LARP4B: variants seen among roughly 807,000 people sequenced by gnomAD.
LARP4B encodes la-related protein 4B.
A neutral mutation model predicts 89.8 loss-of-function variants in LARP4B; 12 were observed. The observed-to-expected ratio is 0.13, with a 90% CI of 0.09 to 0.22. LARP4B has a LOEUF of 0.22. Ranked by LOEUF, LARP4B falls within the 10% of genes least tolerant of loss-of-function variation. The probability of loss-of-function intolerance (pLI) is 1.00; values close to 1 mark genes in which losing one functional copy is unlikely to be tolerated. For missense variants in LARP4B, 757 were observed against 947.7 expected (o/e 0.80, Z 2.64); for synonymous variants, 367 against 363.3 (o/e 1.01, Z -0.12).
At chr10:828,616 T>C (rs1400213933) in intron 11 of LARP4B, among the ~76,000 whole-genome samples, 1 of 152,194 alleles carries the variant, frequency 6.6e-6, no homozygotes, top group Non-Finnish European at 1.5e-5. Context: ...TTCTCAAAGT[T>C]ACTAACTCAA....
chr10:958,354 A>G, the LARP4B span, among the ~76,000 whole-genome samples: 1 of 152,166 alleles, frequency 6.6e-6, no homozygotes, highest in Non-Finnish European at 1.5e-5. Context: ...ACCCCGTGAA[A>G]GCACCTTGTT....
the LARP4B span, among the ~76,000 whole-genome samples, chr10:940,370 T>C: frequency 6.6e-6 from 1 of 152,184 alleles, no homozygotes; most frequent in African/African-American, 2.4e-5. Context: ...GCCAGGCTGG[T>C]CTCAAACTCC....
intron 13 of LARP4B, among the ~76,000 whole-genome samples, chr10:823,312 T>C (rs1832451907): frequency 6.6e-6 from 1 of 152,152 alleles, no homozygotes; most frequent in South Asian, 2.1e-4. Flanking sequence ...ACAGTTGTCC[T>C]CCCTTGGTGG....
At chr10:948,537 G>A in the LARP4B span, among the ~76,000 whole-genome samples, 11 of 152,328 alleles carry the variant, frequency 7.2e-5, no homozygotes, top group East Asian at 1.3e-3. Context: ...GTGAGCCCCC[G>A]CGCCCGGCCT....
At position 834,257 on chromosome 10, in the gene LARP4B, A is replaced by G. The variant is rs547066986; in HGVS notation, c.750+2146T>C. Among the ~76,000 whole-genome samples, 3 of 152,322 alleles carry G rather than the reference A, an allele frequency of 2.0e-5. No individual in the cohort carries two copies. In the East Asian group the frequency reaches 5.8e-4, roughly 29 times the overall value. ...GTAAATGCTTACTGGTTAAAAGATA[A>G]AACACATCAACGCAAAGTCATACTT... On this transcript the variant is annotated intron_variant, in intron 8 of 17. Coordinates refer to ENST00000316157, the MANE Select transcript of LARP4B (RefSeq NM_015155.3).
chr10:823,675 T>C (rs1832471662), intron 13 of LARP4B, among the ~76,000 whole-genome samples: 1 of 151,810 alleles, frequency 6.6e-6, no homozygotes, highest in Admixed American at 6.6e-5. Context: ...ATGGCCTTGA[T>C]GAGTAGGGCT....
intron 11 of LARP4B, among the ~76,000 whole-genome samples, chr10:826,720 T>C (rs187649310): frequency 1.3e-5 from 2 of 152,308 alleles, no homozygotes; most frequent in Admixed American, 1.3e-4. Context: ...ACAGGGCACT[T>C]AGTTCCTGAG....
chr10:859,987 G>C (rs764203372), intron 5 of LARP4B, among the ~76,000 whole-genome samples: 1 of 151,792 alleles, frequency 6.6e-6, no homozygotes, highest in Non-Finnish European at 1.5e-5. Flanking sequence ...CCCACAGAAC[G>C]TACAACACCA....
At chr10:893,776 G>T (rs939590813) in intron 1 of LARP4B, among the ~76,000 whole-genome samples, 2 of 152,200 alleles carry the variant, frequency 1.3e-5, no homozygotes, top group African/African-American at 4.8e-5. Flanking sequence ...CAAACTAAGG[G>T]AGGGATTCCC....
At chr10:889,721 G>A (rs551511136) in intron 1 of LARP4B, among the ~76,000 whole-genome samples, 6 of 152,228 alleles carry the variant, frequency 3.9e-5, no homozygotes, top group Admixed American at 2.6e-4. Context: ...AGGCTGAGGC[G>A]GGCGGATCAC....
chr10:960,630 C>A, the LARP4B span, among the ~76,000 whole-genome samples: 1 of 143,522 alleles, frequency 7.0e-6, no homozygotes, highest in African/African-American at 2.6e-5. Context: ...ATCACTTGAA[C>A]CTGGGAGGTG....
chr10:984,749 C>A, the LARP4B span, among the ~76,000 whole-genome samples: 1 of 152,166 alleles, frequency 6.6e-6, no homozygotes, highest in East Asian at 1.9e-4. Flanking sequence ...ATGGCGAAAT[C>A]TCCCCTCTAC....
At chr10:882,352 CATT>C (rs1249470449) in intron 3 of LARP4B, among the ~76,000 whole-genome samples, 8 of 151,258 alleles carry the variant, frequency 5.3e-5, no homozygotes, top group Non-Finnish European at 1.0e-4. Flanking sequence ...TCATGTCACT[CATT>C]ATAATATATT....
chr10:859,814 T>C (rs1015675095), intron 5 of LARP4B, among the ~76,000 whole-genome samples: 1 of 150,820 alleles, frequency 6.6e-6, no homozygotes, highest in African/African-American at 2.4e-5. Context: ...CCTATGACAT[T>C]CTGGAAAAGG....
At chr10:883,492 A>G (rs1434055631) in intron 3 of LARP4B, among the ~76,000 whole-genome samples, 1 of 152,196 alleles carries the variant, frequency 6.6e-6, no homozygotes, top group Non-Finnish European at 1.5e-5. Context: ...CCTGGGCAAC[A>G]AGAGGGAAAC....
In LARP4B at chr10:844,999, T is replaced by C; in HGVS notation, c.487A>G (p.Thr163Ala). 1 of 1,611,556 alleles carries C rather than the reference T, an allele frequency of 6.2e-7. No individual in the cohort carries two copies. Among genetic ancestry groups the C allele is most frequent in the Admixed American group, 1.7e-5 (1 of 59,526 alleles). ...TACCTAGATAAGCAGAATTCCAATG[T>C]TTTTTTAAGTACTTCTCGGGGGTCT... is the stretch of plus-strand genomic sequence containing the variant. ...QEDPREVLKK[T>A]LEFCLSRENL... The change falls in exon 6 of 18, where the codon ACA (threonine) becomes GCA (alanine). Residue 163 changes from threonine to alanine, a missense_variant. This residue lies in a region of LARP4B where 54 missense variants were observed against 96.0 expected (regional missense o/e 0.56). Coordinates refer to ENST00000316157, the MANE Select transcript of LARP4B (RefSeq NM_015155.3).
chr10:814,608 A>C lies in LARP4B; in HGVS notation c.1929+134T>G, dbSNP rs1222137288. 3 of 1,543,004 alleles carry C rather than the reference A, an allele frequency of 1.9e-6. No homozygotes were observed. The highest frequency in any genetic ancestry group is 2.6e-6 in the Non-Finnish European group (3 of 1,140,812). On this transcript the variant is annotated intron_variant, in intron 17 of 17. Coordinates refer to ENST00000316157, the MANE Select transcript of LARP4B (RefSeq NM_015155.3). This position sits in a 1 kb window ranked among gnomAD's most constrained non-coding sequence, Gnocchi z 4.4. ...TAAAGGTATTTTGTACAGAAAACAC[A>C]ACACAGACAGACGCAAATAAAAACC... is the stretch of plus-strand genomic sequence containing the variant.
At chr10:825,681 C>G (rs1760732471) in intron 12 of LARP4B, 83 bp downstream of exon 12, 1 of 869,302 alleles carries the variant, frequency 1.2e-6, no homozygotes, top group African/African-American at 1.7e-5. Flanking sequence ...AGGAGCAGGA[C>G]TAGTGATCAA....
intron 1 of LARP4B, among the ~76,000 whole-genome samples, chr10:910,514 A>G (rs1050560810): frequency 2.0e-5 from 3 of 151,838 alleles, no homozygotes; most frequent in Admixed American, 6.6e-5. Flanking sequence ...TGAAATTGGA[A>G]CTCCCATTCT....
Sources: allele counts gnomAD v4.1 joint callset (sites outside exome capture counted in the v4.1 genomes callset), GRCh38; gene constraint gnomAD v4.1.1; regional missense constraint gnomAD v4.1.1; non-coding constraint Gnocchi (gnomAD v3.1); transcripts MANE v1.5; gene names NCBI Gene and HGNC (gene_info 2026-07-23, HGNC 2026-07-21).